The following NOX5 variants were observed in gnomAD, a reference collection of about 807,000 sequenced individuals.
The protein encoded by NOX5 is NADPH oxidase 5, also known as NADPH oxidase, EF-hand calcium binding domain 5.
A neutral mutation model predicts 85.7 loss-of-function variants in NOX5; 76 were observed. The ratio of observed to expected loss-of-function variants is 0.89; its 90% CI spans 0.74 to 1.07. The LOEUF (loss-of-function observed/expected upper bound fraction) is 1.07. NOX5 is among the 50% of genes least tolerant of loss of function. The pLI is 0.00. For synonymous variants in NOX5, 405 were observed against 401.4 expected (o/e 1.01, Z -0.11); for missense variants, 973 against 999.5 (o/e 0.97, Z 0.36).
chr15:69,016,054 C>G (rs1477747584), intron 1 of NOX5, among the ~76,000 whole-genome samples: 2 of 152,192 alleles, frequency 1.3e-5, no homozygotes, highest in East Asian at 1.9e-4. Flanking sequence ...AGGTCTGATG[C>G]GAAGCTCTCT....
rs1306821249 is a variant in NOX5 at position 69,058,604 on chromosome 15, C to G, written c.*1908C>G. ...AGCGGGGCTCGTGCTTGCACCAAGC[C>G]TCCATCTCCCTGGACTGGGAGTCAG... On this transcript the variant is annotated 3_prime_UTR_variant, in exon 16 of 16. Transcript: ENST00000388866. 6.6e-6 allele frequency: 1 copy of G among 152,194 alleles called. No individual in the cohort carries two copies. The highest frequency in any genetic ancestry group is 2.4e-5 in the African/African-American group (1 of 41,410). 9.4% of individuals were successfully genotyped at this position (152,194 alleles called of 1,614,324 possible). A position where few individuals can be genotyped will look rare whatever the true frequency, so the allele number is the denominator to read the frequency against.
chr15:69,039,660 T>G (rs1230238887), intron 9 of NOX5, among the ~76,000 whole-genome samples: 1 of 152,178 alleles, frequency 6.6e-6, no homozygotes, highest in African/African-American at 2.4e-5. Flanking sequence ...CACCTGGACT[T>G]GGGCCTTATA....
At chr15:69,024,789 C>A (rs2050336169) in intron 1 of NOX5, among the ~76,000 whole-genome samples, 2 of 152,056 alleles carry the variant, frequency 1.3e-5, no homozygotes. Context: ...AAAGTATCCC[C>A]CCACAGATAA....
Position 69,047,494 on chromosome 15 carries a change from G to A in NOX5, c.1774G>A (p.Gly592Ser), listed in dbSNP as rs145431252. 114 of 1,613,932 alleles carry A rather than the reference G, an allele frequency of 7.1e-5. No homozygotes were observed. Among genetic ancestry groups the A allele is most frequent in the African/African-American group, 4.7e-4 (35 of 75,000 alleles). Reference sequence around the variant, plus strand: ...TGCCGTGCTCATCGGGGCAGGCATCGGCATCACCCCCTTTGCTTCCATTCT... The same window carrying A: ...TGCCGTGCTCATCGGGGCAGGCATCAGCATCACCCCCTTTGCTTCCATTCT... ...EHAVLIGAGIGITPFASILQS... is the reference protein window; with the variant it reads ...EHAVLIGAGISITPFASILQS... Residue 592 changes from glycine (G) to serine (S), a missense_variant, in exon 12 of 16, where the codon GGC (glycine) becomes AGC (serine). Transcript: ENST00000388866.
At chr15:69,027,039 C>T (rs779370313) in intron 2 of NOX5, among the ~76,000 whole-genome samples, 3 of 152,112 alleles carry the variant, frequency 2.0e-5, no homozygotes, top group African/African-American at 7.2e-5. Context: ...AGCTACCCTG[C>T]CCACCCCACA....
intron 1 of NOX5, among the ~76,000 whole-genome samples, chr15:69,024,998 A>G (rs1220874800): frequency 1.3e-5 from 2 of 152,096 alleles, no homozygotes; most frequent in East Asian, 3.8e-4. Context: ...TTTAATATTT[A>G]TTTAGTCTTT....
chr15:69,035,284 A>G (rs142321203), intron 5 of NOX5, 70 bp from the exon 6 acceptor site: 2 of 1,524,360 alleles, frequency 1.3e-6, no homozygotes, highest in African/African-American at 2.7e-5. Flanking sequence ...GGATGCAGGG[A>G]GGTGGCTGGG....
At position 69,033,026 on chromosome 15, in the gene NOX5, A is replaced by G. The variant is rs771055781; in HGVS notation, c.621-17A>G. The G allele has an allele frequency of 6.7e-7, 1 of 1,496,992 alleles. No homozygotes were observed. Among genetic ancestry groups the G allele is most frequent in the East Asian group, 2.6e-5 (1 of 38,970 alleles). 92.7% of individuals were successfully genotyped at this position (1,496,992 alleles called of 1,614,324 possible). The stretch of plus-strand genomic sequence containing the variant: ...GCCCCACCGCTCGCCTCTGAGCGGA[A>G]CCCGCCTCTCTCGCAGCGCTGCCCA... On this transcript the variant is annotated splice_polypyrimidine_tract_variant and intron_variant, in intron 4 of 15. Transcript: ENST00000388866.
rs1359954997 is a variant in NOX5, at chr15:69,057,282, A to G, written c.*586A>G. 6.6e-6 allele frequency: 1 copy of G among 152,334 alleles called. No individual in the cohort carries two copies. Among genetic ancestry groups the G allele is most frequent in the Non-Finnish European group, 1.5e-5 (1 of 68,158 alleles). 9.4% of individuals were successfully genotyped at this position (152,334 alleles called of 1,614,324 possible). A position where few individuals can be genotyped will look rare whatever the true frequency, so the allele number is the denominator to read the frequency against. On this transcript the variant is annotated 3_prime_UTR_variant, in exon 16 of 16. Coordinates refer to ENST00000388866, the MANE Select transcript of NOX5 (RefSeq NM_024505.4). ...TTGGATGCATTTTCAAGTTAGGTGC[A>G]AATATCTCAGCACACCTTGCTACTT...
chr15:69,036,943 C>G, intron 7 of NOX5, 85 bp from the exon 8 acceptor site: 1 of 1,095,680 alleles, frequency 9.1e-7, no homozygotes, highest in Non-Finnish European at 1.4e-6. Context: ...ACTGCCCTGG[C>G]TTTGAGGATA....
rs551396878 is a variant in NOX5 at position 69,059,636 on chromosome 15, G to C, written c.*2940G>C. ...GGTCCAGGTTCTGTCTGCCTCGGTG[G>C]ACATGTCATCGAAGGCAGCAGGACC... On this transcript the variant is annotated 3_prime_UTR_variant, in exon 16 of 16. Transcript: ENST00000388866. 1.3e-5 allele frequency: 2 copies of C among 152,288 alleles called. No homozygotes were observed. Among genetic ancestry groups the C allele is most frequent in the African/African-American group, 4.8e-5 (2 of 41,536 alleles). The allele number at this position is 152,288 out of a possible 1,614,324, so 9.4% of individuals were successfully genotyped here.
chr15:69,056,470 C>T, intron 15 of NOX5, 95 bp from the exon 16 acceptor site: 1 of 1,501,194 alleles, frequency 6.7e-7, no homozygotes, highest in Non-Finnish European at 9.0e-7. Context: ...TTGCTGCCGA[C>T]CCGTTATGCT....
At chr15:69,025,593 AT>A (rs2050347337) in intron 1 of NOX5, among the ~76,000 whole-genome samples, 1 of 152,190 alleles carries the variant, frequency 6.6e-6, no homozygotes, top group South Asian at 2.1e-4. Flanking sequence ...TTACACATCA[AT>A]TTTAGGAAGT....
intron 1 of NOX5, chr15:69,024,175 CT>C (rs1190947348): frequency 6.6e-6 from 1 of 152,316 alleles, no homozygotes; most frequent in Non-Finnish European, 1.5e-5. Context: ...TTAAAATATT[CT>C]TACATTTCCC....
intron 4 of NOX5, 150 bp downstream of exon 4, chr15:69,031,962 G>A: frequency 1.3e-6 from 1 of 781,744 alleles, no homozygotes; most frequent in South Asian, 1.9e-5. Context: ...TGTACTGCAG[G>A]GCAGCTGTCT....
chr15:69,047,019 C>A, intron 11 of NOX5, 153 bp downstream of exon 11: 1 of 721,772 alleles, frequency 1.4e-6, no homozygotes, highest in South Asian at 1.8e-5. Context: ...GTCATGTAAC[C>A]ACATCCCTCC....
In NOX5 at chr15:69,033,282, G is replaced by A; in HGVS notation, c.855+5G>A. The A allele has an allele frequency of 6.3e-7, 1 of 1,592,630 alleles. No individual in the cohort carries two copies. The highest frequency in any genetic ancestry group is 8.5e-7 in the Non-Finnish European group (1 of 1,177,840). On this transcript the variant is annotated splice_donor_5th_base_variant and intron_variant, in intron 5 of 15. Transcript: ENST00000388866. ...TTCGACTGCAGCTTCATCGCGGTAGGCTCTGCCAGCACACGGTGCTCTGAA... is the reference window on the plus strand; with the variant it reads ...TTCGACTGCAGCTTCATCGCGGTAGACTCTGCCAGCACACGGTGCTCTGAA...
At position 69,014,775 on chromosome 15, in the gene NOX5, G is replaced by A. The variant is rs2050211375; in HGVS notation, c.40G>A (p.Gly14Ser). ...SGDPAQTGPEGCRGTMSAEED... is the reference protein window; with the variant it reads ...SGDPAQTGPESCRGTMSAEED... ...AGACCCAGCCCAGACGGGCCCTGAA[G>A]GCTGTAGAGGGTGAGTGGCTCATTT... Residue 14 changes from glycine to serine, a missense_variant, in exon 1 of 16, where the codon GGC (glycine) becomes AGC (serine). Transcript: ENST00000388866. 1 of 1,549,582 alleles carries A rather than the reference G, an allele frequency of 6.5e-7. No homozygotes were observed. The highest frequency in any genetic ancestry group is 1.4e-5 in the African/African-American group (1 of 73,150).
chr15:69,037,119 G>T lies in NOX5; in HGVS notation c.1280G>T (p.Gly427Val). The T allele has an allele frequency of 6.2e-7, 1 of 1,614,096 alleles. No individual in the cohort carries two copies. Among genetic ancestry groups the T allele is most frequent in the Non-Finnish European group, 8.5e-7 (1 of 1,180,034 alleles). The change falls in exon 8 of 16, where the codon GGA becomes GTA. Residue 427 changes from glycine (G) to valine (V), a missense_variant. Transcript: ENST00000388866. ...PNFWKWLLVP[G>V]ILFFLEKAIG... ...TTCTGGAAGTGGCTGCTGGTGCCTGGAATCTTGTTTTTCCTGGAGAAGGCC... is the reference window on the plus strand; with the variant it reads ...TTCTGGAAGTGGCTGCTGGTGCCTGTAATCTTGTTTTTCCTGGAGAAGGCC...
Sources: allele counts gnomAD v4.1 joint callset (sites outside exome capture counted in the v4.1 genomes callset), GRCh38; gene constraint gnomAD v4.1.1; transcripts MANE v1.5; gene names NCBI Gene and HGNC (gene_info 2026-07-23, HGNC 2026-07-21).